The following GRID2 variants were observed in gnomAD, a reference collection of about 807,000 sequenced individuals.
GRID2 encodes glutamate ionotropic receptor delta type subunit 2, also known as glutamate receptor ionotropic, delta-2.
A neutral mutation model predicts 114.8 loss-of-function variants in GRID2; 33 were observed. That is an observed-to-expected ratio of 0.29 (90% CI 0.22 to 0.38). The LOEUF is 0.38. GRID2 is among the 10% of genes least tolerant of loss of function. GRID2 has a pLI of 1.00. For synonymous variants in GRID2, 505 were observed against 449.9 expected, an observed-to-expected ratio of 1.12 and a Z score of -1.55; for missense variants, 1,184 against 1,257.7, an observed-to-expected ratio of 0.94 and a Z score of 0.89.
chr4:93,459,937 C>G (rs1285252507), intron 11 of GRID2, among the ~76,000 whole-genome samples: 1 of 152,020 alleles, frequency 6.6e-6, no homozygotes, highest in African/African-American at 2.4e-5. Flanking sequence ...TAATCAAGTC[C>G]TGTCAATTTT....
intron 2 of GRID2, among the ~76,000 whole-genome samples, chr4:92,987,758 TAAAAC>T (rs1336404946): frequency 4.1e-5 from 4 of 97,520 alleles, no homozygotes; most frequent in Admixed American, 1.2e-4. Flanking sequence ...TTCAGAATAT[TAAAAC>T]AAAAAATATA....
At chr4:92,981,862 A>G (rs1269457685) in intron 2 of GRID2, among the ~76,000 whole-genome samples, 6 of 151,900 alleles carry the variant, frequency 3.9e-5, no homozygotes. Context: ...AAACTGGGAA[A>G]ACGCACATCT....
intron 2 of GRID2, among the ~76,000 whole-genome samples, chr4:92,615,535 A>G (rs1485492439): frequency 6.6e-6 from 1 of 151,716 alleles, no homozygotes; most frequent in African/African-American, 2.4e-5. Context: ...TCTTACAGAC[A>G]GCATAAGATT....
chr4:93,529,267 T>A (rs1731219076), intron 13 of GRID2, among the ~76,000 whole-genome samples: 1 of 152,200 alleles, frequency 6.6e-6, no homozygotes, highest in African/African-American at 2.4e-5. Flanking sequence ...GCAATACAGA[T>A]GATTCTGATA....
chr4:92,944,093 C>T lies in GRID2; in HGVS notation c.245-140902C>T, dbSNP rs529112089. On this transcript the variant is annotated intron_variant, in intron 2 of 15. Transcript: ENST00000282020. ...ATCTCCAACTGCATGCTGGGAACCA[C>T]TACTCTCTTCAAAGCTGTCAGACAG... Among the ~76,000 whole-genome samples, 15 of 152,330 alleles carry T rather than the reference C, an allele frequency of 9.8e-5. No individual in the cohort carries two copies. The South Asian group carries it at 3.1e-3, about 32-fold the overall frequency.
intron 8 of GRID2, among the ~76,000 whole-genome samples, chr4:93,354,917 C>G (rs187162112): frequency 5.4e-5 from 8 of 147,050 alleles, no homozygotes; most frequent in Admixed American, 4.2e-4. Context: ...GATATTTTTG[C>G]CTGGTTGCCC....
At chr4:92,518,934 C>T (rs776462104) in intron 1 of GRID2, among the ~76,000 whole-genome samples, 5 of 151,700 alleles carry the variant, frequency 3.3e-5, no homozygotes, top group Non-Finnish European at 5.9e-5. Flanking sequence ...TGGGATAAAA[C>T]ATCACATTTA....
chr4:92,524,858 G>A (rs2149143441), intron 1 of GRID2, among the ~76,000 whole-genome samples: 1 of 152,062 alleles, frequency 6.6e-6, no homozygotes, highest in East Asian at 2.0e-4. Flanking sequence ...GATGTTGAGG[G>A]TCAAGCTGAA....
At chr4:92,447,193 A>G (rs1030658906) in intron 1 of GRID2, among the ~76,000 whole-genome samples, 1 of 152,212 alleles carries the variant, frequency 6.6e-6, no homozygotes, top group Non-Finnish European at 1.5e-5. Context: ...TATTTATGTG[A>G]TAATACATTA....
In GRID2 at chr4:92,601,699, G is replaced by C. The variant is rs75864778; in HGVS notation, c.244+11413G>C. ...ACCAAGATCAGAGAGGAACTGGAGG[G>C]AGAGACATGAAAAACACTTCAAAAA... On this transcript the variant is annotated intron_variant, in intron 2 of 15. Transcript: ENST00000282020. Among the ~76,000 whole-genome samples the C allele has an allele frequency of 8.3e-3, 1,254 of 151,898 alleles. 13 individuals carry two copies. The highest frequency in any genetic ancestry group is 0.029 in the African/African-American group (1,195 of 41,426).
Position 92,996,788 on chromosome 4 carries a change from C to T in GRID2, c.245-88207C>T, listed in dbSNP as rs554243128. Among the ~76,000 whole-genome samples the T allele has an allele frequency of 5.6e-4, 85 of 152,186 alleles. 1 individual carries two copies. The highest frequency in any genetic ancestry group is 1.8e-3 in the African/African-American group (76 of 41,552). ...TTGGAGCAGGCCTAATGTCTTGTAG[C>T]AAATATAAGAGTCTAAATGCATTGC... On this transcript the variant is annotated intron_variant, in intron 2 of 15. Transcript: ENST00000282020.
chr4:92,330,306 C>T (rs998260829), intron 1 of GRID2, among the ~76,000 whole-genome samples: 3 of 152,112 alleles, frequency 2.0e-5, no homozygotes, highest in Admixed American at 2.0e-4. Flanking sequence ...TCTGCTGTTC[C>T]TCTTCAGAGT....
intron 14 of GRID2, among the ~76,000 whole-genome samples, chr4:93,718,810 G>T (rs570733261): frequency 3.0e-4 from 46 of 152,230 alleles, no homozygotes; most frequent in Middle Eastern, 3.4e-3. Context: ...ATAACTAGTT[G>T]TAAGATGATG....
chr4:93,681,610 C>T (rs988227429), intron 14 of GRID2, among the ~76,000 whole-genome samples: 1 of 152,090 alleles, frequency 6.6e-6, no homozygotes, highest in Admixed American at 6.6e-5. Context: ...GAACAGAGCC[C>T]TCATAAGTAA....
chr4:93,345,754 T>C (rs1760164450), intron 8 of GRID2, among the ~76,000 whole-genome samples: 1 of 152,102 alleles, frequency 6.6e-6, no homozygotes, highest in African/African-American at 2.4e-5. Context: ...TATGTTTTCT[T>C]CTAGTAGTTT....
In GRID2 at chr4:93,286,690, TGG is replaced by T. The variant is rs1249965684; in HGVS notation, c.1245+48204_1245+48205del. On this transcript the variant is annotated intron_variant, in intron 8 of 15. Coordinates refer to ENST00000282020, the MANE Select transcript of GRID2 (RefSeq NM_001510.4). Reference sequence around the variant, plus strand: ...AAGCTTTTGTGTATGTGTGTGTGTGTGGGGGTGTGTGTGTGTGTGTGTGTGTG... The same window carrying T: ...AAGCTTTTGTGTATGTGTGTGTGTGTGGGTGTGTGTGTGTGTGTGTGTGTG... Among the ~76,000 whole-genome samples, 271 of 49,660 alleles carry T rather than the reference TGG, an allele frequency of 5.5e-3. 3 individuals carry two copies. The highest frequency in any genetic ancestry group is 0.027 in the Admixed American group (112 of 4,178). The allele number at this position is 49,660 out of a possible 152,430, so 32.6% of individuals were successfully genotyped here.
At chr4:93,181,123 A>C (rs1436293767) in intron 4 of GRID2, among the ~76,000 whole-genome samples, 2 of 152,268 alleles carry the variant, frequency 1.3e-5, no homozygotes, top group East Asian at 3.9e-4. Context: ...TTAAAAGTTA[A>C]AATTACCCCT....
Position 92,440,869 on chromosome 4 carries a change from G to A in GRID2, c.88+136125G>A, listed in dbSNP as rs536954865. ...GGCTGAAGTCTGGGCCAGGAACAAC[G>A]GTAATTGTGGGAGACTCAATAAAGA... On this transcript the variant is annotated intron_variant, in intron 1 of 15. Transcript: ENST00000282020. 2.0e-4 allele frequency among the ~76,000 whole-genome samples: 30 copies of A among 152,268 alleles called. No individual in the cohort carries two copies. The East Asian group carries it at 2.5e-3, about 13-fold the overall frequency.
At chr4:93,021,562 TAATA>T (rs769099891) in intron 2 of GRID2, among the ~76,000 whole-genome samples, 9 of 146,120 alleles carry the variant, frequency 6.2e-5, no homozygotes, top group African/African-American at 1.7e-4. Context: ...AAATTTTAAA[TAATA>T]AATAATATAT....
Sources: gnomAD v4.1 joint callset for allele counts (sites outside exome capture counted in the v4.1 genomes callset) on GRCh38, gnomAD v4.1.1 for gene constraint, MANE v1.5 for transcripts, NCBI Gene and HGNC (gene_info 2026-07-23, HGNC 2026-07-21) for gene names.